RARB: variants seen among roughly 807,000 people sequenced by gnomAD.
RARB encodes HBV-activated protein.
In RARB, 17 loss-of-function variants were observed where a neutral mutation model predicts 51.9. That is an observed-to-expected ratio of 0.33 (90% CI 0.22 to 0.49). The LOEUF (loss-of-function observed/expected upper bound fraction) is 0.49, where lower values mean the gene tolerates loss of function less well. Ranked by LOEUF, RARB falls within the 20% of genes least tolerant of loss-of-function variation. The probability of loss-of-function intolerance (pLI) is 0.99; values close to 1 mark genes in which losing one functional copy is unlikely to be tolerated. For synonymous variants in RARB, 215 were observed against 195.4 expected (o/e 1.10, Z -0.84); for missense variants, 369 against 550.8 (o/e 0.67, Z 3.30).
At chr3:25,073,202 T>C (rs1237737456) in intron 3 of RARB, among the ~76,000 whole-genome samples, 1 of 152,168 alleles carries the variant, frequency 6.6e-6, no homozygotes, top group African/African-American at 2.4e-5. Flanking sequence ...TCAGCCGTAA[T>C]GAAGCAGAGA....
intron 2 of RARB, among the ~76,000 whole-genome samples, chr3:24,962,133 G>A (rs1168296573): frequency 6.6e-6 from 1 of 151,814 alleles, no homozygotes; most frequent in Non-Finnish European, 1.5e-5. Flanking sequence ...GTTTCACCGT[G>A]TTAGCCAGGA....
intron 3 of RARB, among the ~76,000 whole-genome samples, chr3:25,544,972 T>A (rs1300737698): frequency 6.6e-6 from 1 of 152,028 alleles, no homozygotes; most frequent in Non-Finnish European, 1.5e-5. Context: ...GTTGTTGTTG[T>A]TTTTCTTGAG....
At chr3:25,575,321 A>C (rs2125296620) in intron 4 of RARB, among the ~76,000 whole-genome samples, 1 of 152,276 alleles carries the variant, frequency 6.6e-6, no homozygotes, top group South Asian at 2.1e-4. Context: ...TCCACGACCC[A>C]GGGCTTGGGG....
intron 4 of RARB, among the ~76,000 whole-genome samples, chr3:25,139,736 GA>G (rs1324041655): frequency 5.3e-5 from 8 of 152,142 alleles, no homozygotes; most frequent in Admixed American, 3.9e-4. Flanking sequence ...CCTTATATTG[GA>G]AAAAGATGCC....
At chr3:25,267,038 A>G (rs531520292) in intron 5 of RARB, among the ~76,000 whole-genome samples, 9 of 152,300 alleles carry the variant, frequency 5.9e-5, no homozygotes, top group Non-Finnish European at 1.0e-4. Context: ...CCCTTTCTAA[A>G]TGCTCTGTGA....
exon 5 of RARB, chr3:25,174,229 G>A (rs996460799): frequency 2.5e-6 from 1 of 402,694 alleles, no homozygotes; most frequent in Admixed American, 3.7e-5. Context: ...GACAGGCAGA[G>A]AAACCATGCT....
chr3:25,511,129 T>C (rs1293124397), intron 3 of RARB, among the ~76,000 whole-genome samples: 2 of 123,456 alleles, frequency 1.6e-5, no homozygotes, highest in Non-Finnish European at 3.1e-5. Flanking sequence ...TTTTTGTTTT[T>C]TGTTTTGGTT....
At chr3:25,157,350 T>TTGTGTGTGTGTGTGTGTG (rs748559000) in intron 4 of RARB, among the ~76,000 whole-genome samples, 106 of 145,084 alleles carry the variant, frequency 7.3e-4, no homozygotes, top group African/African-American at 2.5e-3. Context: ...GTGTGTGTGT[T>TTGTGTGTGTGTGTGTGTG]TGTGTGTGTG....
intron 3 of RARB, among the ~76,000 whole-genome samples, chr3:25,080,512 A>C (rs559128340): frequency 6.6e-6 from 1 of 152,214 alleles, no homozygotes; most frequent in Non-Finnish European, 1.5e-5. Context: ...CGCAGCAGCT[A>C]TACCATTTTG....
chr3:24,972,958 T>C (rs901877463), intron 2 of RARB, among the ~76,000 whole-genome samples: 2 of 152,082 alleles, frequency 1.3e-5, no homozygotes, highest in Admixed American at 6.6e-5. Flanking sequence ...TCCTTCGCTA[T>C]GCAGAACGTT....
At chr3:24,930,394 G>A (rs1185934048) in intron 2 of RARB, among the ~76,000 whole-genome samples, 1 of 152,006 alleles carries the variant, frequency 6.6e-6, no homozygotes, top group East Asian at 1.9e-4. Context: ...GTTATACCTA[G>A]CATCATAAAA....
chr3:25,501,076 C>A, intron 2 of RARB, 106 bp from the exon 3 acceptor site: 1 of 1,328,810 alleles, frequency 7.5e-7, no homozygotes, highest in East Asian at 2.6e-5. Context: ...GCTGCCATCA[C>A]TTCGTTACTC....
intron 4 of RARB, among the ~76,000 whole-genome samples, chr3:25,570,996 TG>T (rs1700686515): frequency 6.7e-6 from 1 of 150,238 alleles, no homozygotes; most frequent in African/African-American, 2.4e-5. Context: ...TTGGTGAGCA[TG>T]GGGTGTAGTG....
chr3:25,178,217 T>C (rs1196455597), intron 5 of RARB, among the ~76,000 whole-genome samples: 2 of 152,134 alleles, frequency 1.3e-5, no homozygotes, highest in Non-Finnish European at 2.9e-5. Flanking sequence ...GCATCTTCTG[T>C]GTGTACATGC....
intron 2 of RARB, among the ~76,000 whole-genome samples, chr3:25,023,127 C>T (rs1343223681): frequency 6.6e-6 from 1 of 152,102 alleles, no homozygotes; most frequent in Non-Finnish European, 1.5e-5. Flanking sequence ...TAAGGAGTCC[C>T]CTTTCTGTGG....
At chr3:25,457,161 A>C (rs1473129827) in intron 1 of RARB, among the ~76,000 whole-genome samples, 2 of 152,172 alleles carry the variant, frequency 1.3e-5, no homozygotes, top group East Asian at 3.8e-4. Flanking sequence ...GATCTGGGAT[A>C]CAACTTGGTC....
intron 3 of RARB, among the ~76,000 whole-genome samples, chr3:25,565,862 G>A (rs1401571417): frequency 6.6e-6 from 1 of 152,142 alleles, no homozygotes; most frequent in Non-Finnish European, 1.5e-5. Flanking sequence ...AGGTGCTACT[G>A]CCATCTCGGG....
chr3:25,430,988 CTTTTTT>C (rs11360533), intron 1 of RARB, among the ~76,000 whole-genome samples: 1 of 105,206 alleles, frequency 9.5e-6, no homozygotes, highest in Non-Finnish European at 1.9e-5. Context: ...AAAACTAAAA[CTTTTTT>C]TTTTTTTTTT....
intron 5 of RARB, among the ~76,000 whole-genome samples, chr3:25,205,937 T>C (rs1238344624): frequency 1.3e-5 from 2 of 152,086 alleles, no homozygotes; most frequent in Admixed American, 6.5e-5. Context: ...AAAACAACTT[T>C]AGTATAAAAT....
Sources: allele counts gnomAD v4.1 joint callset (sites outside exome capture counted in the v4.1 genomes callset), GRCh38; gene constraint gnomAD v4.1.1; transcripts MANE v1.5; gene names NCBI Gene and HGNC (gene_info 2026-07-23, HGNC 2026-07-21).